Variants in RYR3 observed in about 807,000 individuals in gnomAD.
RYR3 encodes ryanodine receptor 3.
In RYR3, 207 loss-of-function variants were observed where a neutral mutation model predicts 584.3. The observed-to-expected ratio is 0.35, with a 90% CI of 0.32 to 0.40. The LOEUF (loss-of-function observed/expected upper bound fraction) is 0.40, where lower values mean the gene tolerates loss of function less well. Ranked by LOEUF, RYR3 falls within the 10% of genes least tolerant of loss-of-function variation. RYR3 has a pLI of 1.00. For missense variants in RYR3, 5,616 were observed against 6,089.2 expected (o/e 0.92, Z 2.59); for synonymous variants, 2,416 against 2,248.5 (o/e 1.07, Z -2.11).
chr15:33,676,938 GGA>G (rs899409884), intron 38 of RYR3, among the ~76,000 whole-genome samples: 7 of 152,176 alleles, frequency 4.6e-5, no homozygotes. Flanking sequence ...TTGGTTCTCA[GGA>G]GAGAGAAAGT....
chr15:33,654,032 A>T (rs561781973), intron 32 of RYR3, among the ~76,000 whole-genome samples: 2 of 150,622 alleles, frequency 1.3e-5, no homozygotes, highest in African/African-American at 4.8e-5. Context: ...AGAGCAAACT[A>T]TGGGAGATGG....
At chr15:33,565,433 A>G (rs909964277) in intron 11 of RYR3, among the ~76,000 whole-genome samples, 2 of 152,222 alleles carry the variant, frequency 1.3e-5, no homozygotes, top group Non-Finnish European at 2.9e-5. Flanking sequence ...TGTTTCAAAA[A>G]TGAACAAGCC....
At chr15:33,700,817 T>G (rs1242434868) in intron 41 of RYR3, among the ~76,000 whole-genome samples, 160 bp from the exon 42 acceptor site, 5 of 152,210 alleles carry the variant, frequency 3.3e-5, no homozygotes, top group African/African-American at 7.2e-5. Flanking sequence ...ATAGAGCTGT[T>G]CTTAATGCAA....
intron 2 of RYR3, among the ~76,000 whole-genome samples, chr15:33,501,160 A>G (rs1206255002): frequency 1.3e-5 from 2 of 152,114 alleles, no homozygotes; most frequent in African/African-American, 4.8e-5. Context: ...ACCCATTCAA[A>G]CCAGTAATGA....
At chr15:33,735,617 C>T (rs773568474) in intron 48 of RYR3, among the ~76,000 whole-genome samples, 1 of 152,106 alleles carries the variant, frequency 6.6e-6, no homozygotes, top group Non-Finnish European at 1.5e-5. Context: ...ATTCGTGTTG[C>T]TTATCTCTCC....
chr15:33,686,648 C>T (rs1481085859), intron 38 of RYR3, among the ~76,000 whole-genome samples: 3 of 152,178 alleles, frequency 2.0e-5, no homozygotes, highest in African/African-American at 7.2e-5. Context: ...GACCAATACC[C>T]CTGATGAACA....
intron 1 of RYR3, among the ~76,000 whole-genome samples, chr15:33,350,821 A>G (rs909217807): frequency 2.0e-5 from 3 of 151,466 alleles, no homozygotes; most frequent in African/African-American, 7.2e-5. Flanking sequence ...AAGATCCAAA[A>G]TTGACACCCT....
chr15:33,835,046 G>C lies in RYR3; in HGVS notation c.11542G>C (p.Ala3848Pro). The C allele has an allele frequency of 6.2e-7, 1 of 1,613,826 alleles. No homozygotes were observed. Among genetic ancestry groups the C allele is most frequent in the Non-Finnish European group, 8.5e-7 (1 of 1,179,820 alleles). Reference protein sequence around the residue: ...DAVVGFLHVFANMQMKLSQDS... With the variant: ...DAVVGFLHVFPNMQMKLSQDS... ...AGTGGTTGGCTTCCTCCATGTCTTT[G>C]CTAATATGCAGATGAAACTCTCTCA... The change falls in exon 87 of 104, where the codon GCT (alanine) becomes CCT (proline). Residue 3848 changes from alanine (A) to proline (P), a missense_variant. This residue lies in a region of RYR3 where 954 missense variants were observed against 1,132.2 expected (regional missense o/e 0.84). Transcript: ENST00000634891.
At chr15:33,813,097 T>G (rs2076633735) in intron 73 of RYR3, 103 bp downstream of exon 73, 2 of 1,447,230 alleles carry the variant, frequency 1.4e-6, no homozygotes, top group Admixed American at 4.1e-5. Context: ...CTCATAAGAC[T>G]GAGAAAACAA....
At chr15:33,467,626 A>G (rs1050946577) in intron 1 of RYR3, 1 of 223,162 alleles carries the variant, frequency 4.5e-6, no homozygotes, top group African/African-American at 2.3e-5. Context: ...CTAAGCAAAG[A>G]GAGCCAAAGG....
chr15:33,695,189 G>A (rs2065750730), intron 38 of RYR3, among the ~76,000 whole-genome samples: 1 of 152,150 alleles, frequency 6.6e-6, no homozygotes, highest in South Asian at 2.1e-4. Flanking sequence ...GCCAGGGTAG[G>A]ATGCATTTGT....
chr15:33,749,209 A>G (rs2071038415), intron 55 of RYR3, among the ~76,000 whole-genome samples: 1 of 152,286 alleles, frequency 6.6e-6, no homozygotes, highest in East Asian at 1.9e-4. Context: ...TGGTCATTGT[A>G]AGGCCCCCAA....
intron 3 of RYR3, among the ~76,000 whole-genome samples, chr15:33,507,054 C>T (rs1359309205): frequency 6.6e-6 from 1 of 152,148 alleles, no homozygotes; most frequent in Non-Finnish European, 1.5e-5. Context: ...ATGACTGCCA[C>T]CAAATGGGAG....
intron 38 of RYR3, among the ~76,000 whole-genome samples, chr15:33,675,528 C>T (rs1030971333): frequency 1.1e-4 from 16 of 152,222 alleles, no homozygotes; most frequent in South Asian, 4.2e-4. Context: ...CACAGGGCTC[C>T]GGAGTTAGGC....
At chr15:33,654,387 C>G (rs2062697514) in intron 32 of RYR3, among the ~76,000 whole-genome samples, 2 of 151,806 alleles carry the variant, frequency 1.3e-5, no homozygotes, top group African/African-American at 4.8e-5. Flanking sequence ...TGGTGGCATA[C>G]ACTTGTGGTC....
chr15:33,377,792 C>A (rs890434815), intron 1 of RYR3, among the ~76,000 whole-genome samples: 3 of 151,406 alleles, frequency 2.0e-5, no homozygotes, highest in Admixed American at 6.6e-5. Context: ...TTCTAGAAAT[C>A]TTTTTTTTTC....
intron 12 of RYR3, among the ~76,000 whole-genome samples, chr15:33,576,641 A>G (rs901344727): frequency 3.9e-5 from 6 of 152,238 alleles, no homozygotes; most frequent in Non-Finnish European, 7.3e-5. Context: ...CATTTATGAC[A>G]AACCCACAGT....
At chr15:33,678,753 G>A (rs1347426243) in intron 38 of RYR3, among the ~76,000 whole-genome samples, 2 of 152,226 alleles carry the variant, frequency 1.3e-5, no homozygotes, top group Non-Finnish European at 2.9e-5. Flanking sequence ...GCCTCGAGGG[G>A]TCTGACAGCC....
chr15:33,787,060 C>T (rs964733195), intron 66 of RYR3, among the ~76,000 whole-genome samples: 12 of 152,186 alleles, frequency 7.9e-5, no homozygotes, highest in African/African-American at 2.9e-4. Context: ...CCTCCCTTAC[C>T]TCCCTAGAGG....
Sources: allele counts gnomAD v4.1 joint callset (sites outside exome capture counted in the v4.1 genomes callset), GRCh38; gene constraint gnomAD v4.1.1; regional missense constraint gnomAD v4.1.1; transcripts MANE v1.5; gene names NCBI Gene and HGNC (gene_info 2026-07-23, HGNC 2026-07-21).